ZSWIM6: variants seen among roughly 807,000 people sequenced by gnomAD.
The protein encoded by ZSWIM6 is zinc finger SWIM domain-containing protein 6.
In ZSWIM6, 9 loss-of-function variants were observed where a neutral mutation model predicts 113.2. The ratio of observed to expected loss-of-function variants is 0.08; its 90% CI spans 0.05 to 0.14. ZSWIM6 has a LOEUF of 0.14. Among genes scored for constraint, ZSWIM6 ranks in the 10% least tolerant of loss-of-function variants. The pLI, the probability that ZSWIM6 is intolerant of heterozygous loss-of-function variation, is 1.00. For missense variants in ZSWIM6, 1,162 were observed against 1,552.2 expected (o/e 0.75, Z 4.22); for synonymous variants, 611 against 606.5 (o/e 1.01, Z -0.11).
At chr5:61,382,853 G>C (rs1201950762) in intron 1 of ZSWIM6, among the ~76,000 whole-genome samples, 1 of 150,720 alleles carries the variant, frequency 6.6e-6, no homozygotes, top group Non-Finnish European at 1.5e-5. Context: ...AGAATTTGGT[G>C]TTTAGAGTGC....
intron 1 of ZSWIM6, among the ~76,000 whole-genome samples, chr5:61,392,117 T>G (rs1386670976): frequency 6.6e-6 from 1 of 152,240 alleles, no homozygotes; most frequent in Non-Finnish European, 1.5e-5. Flanking sequence ...TGGAGTGTTA[T>G]GTGAGATATC....
chr5:61,501,464 G>A (rs186214418), intron 4 of ZSWIM6, among the ~76,000 whole-genome samples: 2 of 152,056 alleles, frequency 1.3e-5, no homozygotes, highest in Admixed American at 1.3e-4. Flanking sequence ...TTTAAAATAC[G>A]AATTAAAAAA....
At chr5:61,507,091 C>T (rs1489974179) in intron 4 of ZSWIM6, among the ~76,000 whole-genome samples, 2 of 152,196 alleles carry the variant, frequency 1.3e-5, no homozygotes, top group African/African-American at 4.8e-5. Context: ...TCAGCCCCCA[C>T]CGGCTTCTCC....
At chr5:61,375,794 A>C in intron 1 of ZSWIM6, 1 of 1,434,416 alleles carries the variant, frequency 7.0e-7, no homozygotes, top group East Asian at 2.5e-5. Context: ...AAAAAGAAGC[A>C]TAAGAAACAC....
At chr5:61,373,441 G>A (rs963095670) in intron 1 of ZSWIM6, among the ~76,000 whole-genome samples, 1 of 146,668 alleles carries the variant, frequency 6.8e-6, no homozygotes, top group African/African-American at 2.5e-5. Context: ...GCAGTGGCGC[G>A]ATCTCGGCTC....
Position 61,526,328 on chromosome 5 carries a change from T to C in ZSWIM6, c.1769T>C (p.Ile590Thr). The change falls in exon 7 of 14, where the codon ATA becomes ACA. Residue 590 changes from isoleucine to threonine, a missense_variant. Transcript: ENST00000252744. Reference protein sequence around the residue: ...GYPREALRLAIAIVNTLRRQQ... With the variant: ...GYPREALRLATAIVNTLRRQQ... ...CCCAGAGAAGCACTGAGACTAGCAA[T>C]AGCTATTGTTAATACATTAAGACGA... 6.4e-7 allele frequency: 1 copy of C among 1,552,154 alleles called. No individual in the cohort carries two copies. Among genetic ancestry groups the C allele is most frequent in the Non-Finnish European group, 8.7e-7 (1 of 1,147,066 alleles).
chr5:61,536,267 T>C (rs974750105), intron 10 of ZSWIM6, among the ~76,000 whole-genome samples: 2 of 152,256 alleles, frequency 1.3e-5, no homozygotes, highest in African/African-American at 4.8e-5. Context: ...ATTTCTACCT[T>C]CTTTTAAAAG....
At chr5:61,400,543 T>C (rs1024720021) in intron 1 of ZSWIM6, among the ~76,000 whole-genome samples, 18 of 152,254 alleles carry the variant, frequency 1.2e-4, no homozygotes, top group African/African-American at 4.3e-4. Flanking sequence ...CATCTGTCTG[T>C]GACATACTTG....
intron 1 of ZSWIM6, among the ~76,000 whole-genome samples, chr5:61,353,458 ATGT>A (rs577951991): frequency 6.2e-4 from 95 of 152,278 alleles, no homozygotes; most frequent in African/African-American, 2.2e-3. Flanking sequence ...AAGTGGGATC[ATGT>A]TGTACTTTGT....
At position 61,544,335 on chromosome 5, in the gene ZSWIM6, G is replaced by A. The variant is rs1042366779; in HGVS notation, c.*18G>A. ...TTGGTTGATAGATCTTGTATGAATG[G>A]GGTGGGGGGTGGGGATGGGAGGGAT... On this transcript the variant is annotated 3_prime_UTR_variant, in exon 14 of 14. Transcript: ENST00000252744. 1.4e-5 allele frequency: 2 copies of A among 141,008 alleles called. No homozygotes were observed. The highest frequency in any genetic ancestry group is 1.5e-5 in the Non-Finnish European group (1 of 68,062). 8.7% of individuals were successfully genotyped at this position (141,008 alleles called of 1,614,324 possible). A position where few individuals can be genotyped will look rare whatever the true frequency, so the allele number is the denominator to read the frequency against.
chr5:61,482,539 A>G (rs1334679244), intron 2 of ZSWIM6, among the ~76,000 whole-genome samples: 1 of 152,178 alleles, frequency 6.6e-6, no homozygotes, highest in Non-Finnish European at 1.5e-5. Flanking sequence ...ATGAATTTGC[A>G]CTTTTGGGGG....
intron 1 of ZSWIM6, among the ~76,000 whole-genome samples, chr5:61,345,940 T>A (rs1744649514): frequency 6.6e-6 from 1 of 152,170 alleles, no homozygotes; most frequent in Non-Finnish European, 1.5e-5. Flanking sequence ...TAGAGTTTAT[T>A]TACATTCTTA....
intron 1 of ZSWIM6, among the ~76,000 whole-genome samples, chr5:61,460,172 A>G (rs901220876): frequency 6.6e-5 from 10 of 152,216 alleles, no homozygotes; most frequent in African/African-American, 2.2e-4. Context: ...CCTTTCAGCC[A>G]TACATGTCCA....
Position 61,464,026 on chromosome 5 carries a change from C to T in ZSWIM6, c.677-8655C>T, listed in dbSNP as rs1747372996. ...TTTTCTTTTTAGATGGGGTTTCGCT[C>T]TTGTTGCCCAGGCTGGGGTGCAGTG... On this transcript the variant is annotated intron_variant, in intron 1 of 13. Transcript: ENST00000252744. Among the ~76,000 whole-genome samples the T allele has an allele frequency of 2.0e-5, 3 of 151,904 alleles. No individual in the cohort carries two copies. In the South Asian group the frequency reaches 6.2e-4, roughly 32 times the overall value.
At chr5:61,372,113 C>A (rs1213758929) in intron 1 of ZSWIM6, among the ~76,000 whole-genome samples, 1 of 151,804 alleles carries the variant, frequency 6.6e-6, no homozygotes, top group Non-Finnish European at 1.5e-5. Flanking sequence ...AGCAGCATTC[C>A]AGTTTGTTTC....
At chr5:61,349,854 T>C (rs1744744188) in intron 1 of ZSWIM6, among the ~76,000 whole-genome samples, 1 of 152,206 alleles carries the variant, frequency 6.6e-6, no homozygotes, top group South Asian at 2.1e-4. Flanking sequence ...TAAAAGAAAT[T>C]GGTATAACTA....
Position 61,332,300 on chromosome 5 carries a change from C to T in ZSWIM6, c.28C>T (p.Pro10Ser), listed in dbSNP as rs1744264232. The T allele has an allele frequency of 8.6e-7, 1 of 1,168,438 alleles. No individual in the cohort carries two copies. The highest frequency in any genetic ancestry group is 1.6e-5 in the African/African-American group (1 of 62,066). The allele number at this position is 1,168,438 out of a possible 1,614,324, so 72.4% of individuals were successfully genotyped here. The change falls in exon 1 of 14, where the codon CCC becomes TCC. Residue 10 changes from proline to serine, a missense_variant. This residue lies in a region of ZSWIM6 where 333 missense variants were observed against 293.4 expected (regional missense o/e 1.13). Coordinates refer to ENST00000252744, the MANE Select transcript of ZSWIM6 (RefSeq NM_020928.2). MAERGQQPP[P>S]AKRLCCRPGG... ...GGCGGAGCGCGGACAGCAGCCTCCT[C>T]CCGCGAAACGGCTTTGCTGCCGGCC...
At chr5:61,446,042 A>G (rs932810891) in intron 1 of ZSWIM6, among the ~76,000 whole-genome samples, 1 of 152,200 alleles carries the variant, frequency 6.6e-6, no homozygotes, top group African/African-American at 2.4e-5. Flanking sequence ...AAGCAATGCA[A>G]ACATTTATCA....
At chr5:61,535,730 G>T (rs1749557181) in intron 10 of ZSWIM6, 111 bp downstream of exon 10, 1 of 1,340,010 alleles carries the variant, frequency 7.5e-7, no homozygotes, top group Non-Finnish European at 1.0e-6. Flanking sequence ...AAAAGCTAAA[G>T]AAACTATGTA....
Sources: allele counts gnomAD v4.1 joint callset (sites outside exome capture counted in the v4.1 genomes callset), GRCh38; gene constraint gnomAD v4.1.1; regional missense constraint gnomAD v4.1.1; transcripts MANE v1.5; gene names NCBI Gene and HGNC (gene_info 2026-07-23, HGNC 2026-07-21).